Variants in CEP44 observed in about 807,000 individuals in gnomAD.
CEP44 encodes the protein centrosomal protein 44, also known as centrosomal protein of 44 kDa.
CEP44 carries 45 observed loss-of-function variants against 46.7 expected under a neutral mutation model. The observed-to-expected ratio is 0.96, with a 90% CI of 0.76 to 1.24. The LOEUF (loss-of-function observed/expected upper bound fraction) is 1.24. Ranked by LOEUF, CEP44 falls within the 50% of genes most tolerant of loss-of-function variation. The pLI is 0.00. For missense variants in CEP44, 475 were observed against 459.7 expected (o/e 1.03, Z -0.30); for synonymous variants, 142 against 146.0 (o/e 0.97, Z 0.20).
At position 174,312,623 on chromosome 4, in the gene CEP44, C is replaced by T. The variant is rs991560632; in HGVS notation, c.961+1765C>T. ...CCGGGTTCACATAGCTAAATTTCAA[C>T]AACTGTGCCAGGACTGAAAGTAATT... On this transcript the variant is annotated intron_variant, in intron 9 of 11. Coordinates refer to ENST00000503780, the MANE Select transcript of CEP44 (RefSeq NM_001040157.3). The surrounding 1 kb of genome is among the most constrained non-coding windows in gnomAD (Gnocchi z 4.5). 6.6e-6 allele frequency among the ~76,000 whole-genome samples: 1 copy of T among 152,116 alleles called. No homozygotes were observed. The highest frequency in any genetic ancestry group is 1.5e-5 in the Non-Finnish European group (1 of 68,024).
chr4:174,308,988 A>G (rs764560447), intron 7 of CEP44, 129 bp downstream of exon 7: 146 of 816,830 alleles, frequency 1.8e-4, no homozygotes, highest in Non-Finnish European at 2.7e-4. Flanking sequence ...TATCTATGTT[A>G]CAATTACTGA....
Position 174,291,787 on chromosome 4 carries a change from C to CTTTTTTTTTT in CEP44, c.-147-6163_-147-6154dup, listed in dbSNP as rs56201469. Among the ~76,000 whole-genome samples, 61 of 46,388 alleles carry CTTTTTTTTTT rather than the reference C, an allele frequency of 1.3e-3. 1 individual carries two copies. Among genetic ancestry groups the CTTTTTTTTTT allele is most frequent in the East Asian group, 2.6e-3 (3 of 1,138 alleles). The allele number at this position is 46,388 out of a possible 152,430, so 30.4% of individuals were successfully genotyped here. A position where few individuals can be genotyped will look rare whatever the true frequency, so the allele number is the denominator to read the frequency against. ...CTTTATTCTTTTATCTTTTTCTTTTCTTTTTTTTTTTTTTTTTTTTTTTTT... is the reference window on the plus strand; with the variant it reads ...CTTTATTCTTTTATCTTTTTCTTTTCTTTTTTTTTTTTTTTTTTTTTTTTTTTTTTTTTTT... On this transcript the variant is annotated intron_variant, in intron 1 of 11. Transcript: ENST00000503780.
At chr4:174,284,661 A>G (rs1737359967) in intron 1 of CEP44, among the ~76,000 whole-genome samples, 1 of 152,128 alleles carries the variant, frequency 6.6e-6, no homozygotes, top group Admixed American at 6.5e-5. Flanking sequence ...GTGTGAACAC[A>G]GCAGTCCCGT....
Position 174,287,539 on chromosome 4 carries a change from G to T in CEP44, c.-148+3596G>T, listed in dbSNP as rs1737704160. ...ACCAAACATCCTTATCCAGGTCCAG[G>T]AACTTTATCCCAGATACCATTTCTG... On this transcript the variant is annotated intron_variant, in intron 1 of 11. Coordinates refer to ENST00000503780, the MANE Select transcript of CEP44 (RefSeq NM_001040157.3). The surrounding 1 kb of genome is among the most constrained non-coding windows in gnomAD (Gnocchi z 5.1). 6.6e-6 allele frequency among the ~76,000 whole-genome samples: 1 copy of T among 152,060 alleles called. No homozygotes were observed. Among genetic ancestry groups the T allele is most frequent in the Non-Finnish European group, 1.5e-5 (1 of 68,000 alleles).
Position 174,319,516 on chromosome 4 carries a change from C to G in CEP44, c.*2133C>G. 1 of 882,748 alleles carries G rather than the reference C, an allele frequency of 1.1e-6. No individual in the cohort carries two copies. The allele number at this position is 882,748 out of a possible 1,614,324, so 54.7% of individuals were successfully genotyped here. ...GGAAGATAGAAAAAAAGTTAAGTCT[C>G]TTTCTACCCTTTCTTTTTTTCTTTA... is the stretch of plus-strand genomic sequence containing the variant. On this transcript the variant is annotated 3_prime_UTR_variant, in exon 12 of 12. Transcript: ENST00000503780.
chr4:174,304,235 C>CT lies in CEP44; in HGVS notation c.385-3dup, dbSNP rs201356224. 4.7e-3 allele frequency: 7,259 copies of CT among 1,544,710 alleles called. 19 individuals are homozygous for CT. Among genetic ancestry groups the CT allele is most frequent in the Middle Eastern group, 0.011 (63 of 5,800 alleles). On this transcript the variant is annotated splice_polypyrimidine_tract_variant and intron_variant, in intron 5 of 11. Transcript: ENST00000503780. ...CAAAATTTGTTATTTTGACTAATAC[C>CT]TTTTTTTTTAGATTCCATCACAACA...
chr4:174,298,630 G>A (rs1404122983), intron 2 of CEP44, among the ~76,000 whole-genome samples: 2 of 152,126 alleles, frequency 1.3e-5, no homozygotes, highest in Non-Finnish European at 2.9e-5. Context: ...AACTATGTGA[G>A]ATCAGAGCCC....
At chr4:174,306,792 A>G (rs998768436) in intron 6 of CEP44, among the ~76,000 whole-genome samples, 1 of 152,146 alleles carries the variant, frequency 6.6e-6, no homozygotes, top group African/African-American at 2.4e-5. Flanking sequence ...ATGTGCAAAA[A>G]TTGCTAGCAA....
At position 174,319,731 on chromosome 4, in the gene CEP44, C is replaced by G. The variant is rs1489721754; in HGVS notation, c.*2348C>G. On this transcript the variant is annotated 3_prime_UTR_variant, in exon 12 of 12. Coordinates refer to ENST00000503780, the MANE Select transcript of CEP44 (RefSeq NM_001040157.3). ...TTGTCTAACAACTCTCTAATAGGGA[C>G]TAAAAATCAACTCAATATATCATAC... The G allele has an allele frequency of 1.1e-6, 1 of 895,800 alleles. No homozygotes were observed. Among genetic ancestry groups the G allele is most frequent in the African/African-American group, 1.8e-5 (1 of 55,812 alleles). 55.5% of individuals were successfully genotyped at this position (895,800 alleles called of 1,614,324 possible).
intron 1 of CEP44, among the ~76,000 whole-genome samples, chr4:174,294,293 G>A (rs1467931888): frequency 7.2e-5 from 11 of 151,876 alleles, no homozygotes; most frequent in Non-Finnish European, 1.6e-4. Context: ...AGCACATCTT[G>A]CACCACCATT....
chr4:174,289,291 T>G (rs1003556672), intron 1 of CEP44, among the ~76,000 whole-genome samples: 13 of 129,328 alleles, frequency 1.0e-4, no homozygotes, highest in Non-Finnish European at 2.0e-4. Flanking sequence ...AAGTGTTCCC[T>G]CTTCTTTTTT....
At chr4:174,321,416 A>G (rs1456440772), downstream of CEP44, among the ~76,000 whole-genome samples, 2 of 152,102 alleles carry the variant, frequency 1.3e-5, no homozygotes, top group Non-Finnish European at 2.9e-5. Context: ...TCAGTCAAAT[A>G]ATATATAAAT....
chr4:174,315,834 C>A (rs1741624949), intron 9 of CEP44, among the ~76,000 whole-genome samples: 1 of 121,476 alleles, frequency 8.2e-6, no homozygotes, highest in Admixed American at 9.1e-5. Flanking sequence ...GAGCGAGACT[C>A]CGTCTCAAAA....
chr4:174,305,336 C>T (rs1353803149), intron 6 of CEP44, among the ~76,000 whole-genome samples: 1 of 152,030 alleles, frequency 6.6e-6, no homozygotes. Flanking sequence ...TGCCTGTAAC[C>T]CCAGCTACTT....
At position 174,310,118 on chromosome 4, in the gene CEP44, TTA is replaced by T; in HGVS notation, c.885+66_885+67del. The T allele has an allele frequency of 2.1e-6, 3 of 1,453,386 alleles. No individual in the cohort carries two copies. The highest frequency in any genetic ancestry group is 2.8e-6 in the Non-Finnish European group (3 of 1,075,802). The allele number at this position is 1,453,386 out of a possible 1,614,324, so 90.0% of individuals were successfully genotyped here. ...ATATAACAAAGTTTTTTTTTGATTG[TTA>T]TATGTGTATTTTTTTGGAAATGCTA... On this transcript the variant is annotated intron_variant, in intron 8 of 11. Coordinates refer to ENST00000503780, the MANE Select transcript of CEP44 (RefSeq NM_001040157.3). This position sits in a 1 kb window ranked among gnomAD's most constrained non-coding sequence, Gnocchi z 4.2.
intron 1 of CEP44, among the ~76,000 whole-genome samples, chr4:174,293,703 C>G (rs756270718): frequency 7.2e-5 from 11 of 151,868 alleles, no homozygotes; most frequent in Admixed American, 2.6e-4. Context: ...TTTGTTAATT[C>G]TTTAGCATTT....
downstream of CEP44, among the ~76,000 whole-genome samples, chr4:174,320,861 A>G (rs1742270102): frequency 6.6e-6 from 1 of 151,492 alleles, no homozygotes; most frequent in Non-Finnish European, 1.5e-5. Context: ...TAAGGGGGCA[A>G]AACTAGAGGC....
chr4:174,306,783 TG>T (rs1740454382), intron 6 of CEP44, among the ~76,000 whole-genome samples: 1 of 152,134 alleles, frequency 6.6e-6, no homozygotes, highest in Non-Finnish European at 1.5e-5. Context: ...ACAAAATCAA[TG>T]TGCAAAAATT....
At chr4:174,316,890 TTAAA>T (rs1369201639) in intron 11 of CEP44, among the ~76,000 whole-genome samples, 2 of 152,164 alleles carry the variant, frequency 1.3e-5, no homozygotes, top group Non-Finnish European at 2.9e-5. Flanking sequence ...TATCAAAATA[TTAAA>T]TAATATATAT....
Sources: allele counts gnomAD v4.1 joint callset (sites outside exome capture counted in the v4.1 genomes callset), GRCh38; gene constraint gnomAD v4.1.1; non-coding constraint Gnocchi (gnomAD v3.1); transcripts MANE v1.5; gene names NCBI Gene and HGNC (gene_info 2026-07-23, HGNC 2026-07-21).